ITGB5: variants seen among roughly 807,000 people sequenced by gnomAD.
ITGB5 encodes integrin subunit beta 5.
A neutral mutation model predicts 84.8 loss-of-function variants in ITGB5; 38 were observed. The ratio of observed to expected loss-of-function variants is 0.45; its 90% CI spans 0.35 to 0.59. The LOEUF (loss-of-function observed/expected upper bound fraction) is 0.59, where lower values mean the gene tolerates loss of function less well. Among genes scored for constraint, ITGB5 ranks in the 20% least tolerant of loss-of-function variants. The probability of loss-of-function intolerance (pLI) is 0.01; values close to 1 mark genes in which losing one functional copy is unlikely to be tolerated. For missense variants in ITGB5, 905 were observed against 1,034.5 expected (o/e 0.87, Z 1.72); for synonymous variants, 393 against 414.4 (o/e 0.95, Z 0.63).
intron 1 of ITGB5, among the ~76,000 whole-genome samples, chr3:124,881,156 G>A (rs140006092): frequency 0.021 from 3,220 of 151,684 alleles, 106 homozygotes; most frequent in African/African-American, 0.074. Context: ...GCTAATTTTT[G>A]TATTTTTAGT....
At chr3:124,771,237 GGTTA>G (rs1046410781) in intron 11 of ITGB5, among the ~76,000 whole-genome samples, 50 of 152,226 alleles carry the variant, frequency 3.3e-4, no homozygotes, top group African/African-American at 5.8e-4. Flanking sequence ...TGAAAAGTGT[GGTTA>G]GTTAGATCCA....
At chr3:124,862,479 T>G (rs2065318434) in intron 2 of ITGB5, 1 of 152,170 alleles carries the variant, frequency 6.6e-6, no homozygotes, top group Non-Finnish European at 1.5e-5. Context: ...AACATCCTGC[T>G]CAAAGGGATT....
At chr3:124,868,587 C>A (rs2065427949) in intron 2 of ITGB5, among the ~76,000 whole-genome samples, 1 of 142,808 alleles carries the variant, frequency 7.0e-6, no homozygotes, top group South Asian at 2.2e-4. Flanking sequence ...TGGAGACCAG[C>A]CTGGGCAACA....
intron 5 of ITGB5, chr3:124,833,024 A>G (rs2064880997): frequency 6.6e-6 from 1 of 152,226 alleles, no homozygotes; most frequent in African/African-American, 2.4e-5. Context: ...CATCCCTTTA[A>G]AACAATATAC....
rs575464815 is a variant in ITGB5, at chr3:124,827,987, C to A, written c.781-6513G>T. ...ATCTTATAAAACAGCACCCCCCCAA[C>A]GCCCCCGCCGCCAGCTCCCTTCGCT... On this transcript the variant is annotated intron_variant, in intron 5 of 14. Coordinates refer to ENST00000296181, the MANE Select transcript of ITGB5 (RefSeq NM_002213.5). Among the ~76,000 whole-genome samples, 413 of 148,796 alleles carry A rather than the reference C, an allele frequency of 2.8e-3. 4 individuals carry two copies. The highest frequency in any genetic ancestry group is 1.0e-2 in the African/African-American group (394 of 39,578).
intron 10 of ITGB5, among the ~76,000 whole-genome samples, chr3:124,789,295 T>C (rs2064123639): frequency 6.6e-6 from 1 of 152,216 alleles, no homozygotes; most frequent in South Asian, 2.1e-4. Context: ...TTGACAAGAG[T>C]CAAGAAGCCT....
chr3:124,828,617 C>T (rs1210909664), intron 5 of ITGB5, among the ~76,000 whole-genome samples: 2 of 152,172 alleles, frequency 1.3e-5, no homozygotes, highest in Non-Finnish European at 2.9e-5. Context: ...CGTGAGTGTA[C>T]ATAAATGTCA....
chr3:124,870,971 G>C (rs1933995004), intron 2 of ITGB5, among the ~76,000 whole-genome samples: 1 of 151,038 alleles, frequency 6.6e-6, no homozygotes, highest in Admixed American at 6.6e-5. Context: ...GCTCACTACA[G>C]CTCCTCCTCC....
At chr3:124,890,885 T>A (rs1934986419), upstream of ITGB5, among the ~76,000 whole-genome samples, 1 of 152,212 alleles carries the variant, frequency 6.6e-6, no homozygotes, top group Non-Finnish European at 1.5e-5. Flanking sequence ...TCCTTTTTTT[T>A]ATTAAGCTGG....
At chr3:124,817,218 C>T (rs2064615482) in intron 8 of ITGB5, among the ~76,000 whole-genome samples, 1 of 152,206 alleles carries the variant, frequency 6.6e-6, no homozygotes, top group Non-Finnish European at 1.5e-5. Flanking sequence ...CAGTGTGGTC[C>T]TGTGGCTGGT....
chr3:124,900,689 A>C (rs1238854939), intron 1 of ITGB5, among the ~76,000 whole-genome samples: 1 of 152,140 alleles, frequency 6.6e-6, no homozygotes, highest in Admixed American at 6.5e-5. Flanking sequence ...ATTAATGGCA[A>C]ACTGGAGTTC....
At chr3:124,832,765 T>G (rs778900461) in intron 5 of ITGB5, 4 of 152,264 alleles carry the variant, frequency 2.6e-5, no homozygotes, top group Non-Finnish European at 4.4e-5. Flanking sequence ...CAGTAAGTAC[T>G]CAAGACGTTT....
intron 4 of ITGB5, 50 bp downstream of exon 4, chr3:124,848,259 T>C: frequency 6.3e-7 from 1 of 1,589,946 alleles, no homozygotes; most frequent in Non-Finnish European, 8.6e-7. Context: ...TTCCTGCTTC[T>C]CCATTCTCCC....
chr3:124,768,169 A>C (rs1010353306), intron 12 of ITGB5, among the ~76,000 whole-genome samples: 16 of 152,232 alleles, frequency 1.1e-4, no homozygotes, highest in Admixed American at 1.0e-3. Flanking sequence ...ACAGACAGGC[A>C]GCTGGGGGCC....
intron 10 of ITGB5, among the ~76,000 whole-genome samples, chr3:124,777,594 A>G (rs528873581): frequency 3.5e-4 from 54 of 152,210 alleles, no homozygotes; most frequent in African/African-American, 1.2e-3. Flanking sequence ...CCTTCTCCAC[A>G]CTTGTGGCAG....
At chr3:124,833,900 G>T (rs2064892272) in intron 5 of ITGB5, among the ~76,000 whole-genome samples, 1 of 152,186 alleles carries the variant, frequency 6.6e-6, no homozygotes, top group African/African-American at 2.4e-5. Flanking sequence ...ATAAAAATAA[G>T]ATGATAACTA....
At chr3:124,874,829 T>C (rs924381221) in intron 1 of ITGB5, among the ~76,000 whole-genome samples, 11 of 152,196 alleles carry the variant, frequency 7.2e-5, no homozygotes, top group African/African-American at 2.4e-4. Context: ...TGAACTCTTA[T>C]CTCACACTAT....
At chr3:124,844,151 G>A (rs922917664) in intron 4 of ITGB5, among the ~76,000 whole-genome samples, 2 of 125,580 alleles carry the variant, frequency 1.6e-5, no homozygotes, top group Non-Finnish European at 3.2e-5. Context: ...TCCCAGAAAC[G>A]AAGAGGAAAC....
At chr3:124,839,084 T>C (rs1464566040) in intron 5 of ITGB5, among the ~76,000 whole-genome samples, 1 of 152,192 alleles carries the variant, frequency 6.6e-6, no homozygotes, top group Non-Finnish European at 1.5e-5. Flanking sequence ...GAACATAAAC[T>C]GACAGCACAA....
Sources: allele counts gnomAD v4.1 joint callset (sites outside exome capture counted in the v4.1 genomes callset), GRCh38; gene constraint gnomAD v4.1.1; transcripts MANE v1.5; gene names NCBI Gene and HGNC (gene_info 2026-07-23, HGNC 2026-07-21).